LLCFC1: variants seen among roughly 807,000 people sequenced by gnomAD.
LLCFC1 encodes the protein sperm-egg fusion protein LLCFC1.
Under a neutral mutation model 9.8 loss-of-function variants are expected in LLCFC1, and 14 were observed. The observed-to-expected ratio is 1.43, with a 90% CI of 0.95 to 2.24. The LOEUF (loss-of-function observed/expected upper bound fraction) is 2.24. LLCFC1 is among the 30% of genes most tolerant of loss of function. The pLI, the probability that LLCFC1 is intolerant of heterozygous loss-of-function variation, is 0.00. For missense variants in LLCFC1, 162 were observed against 148.0 expected (o/e 1.09, Z -0.49); for synonymous variants, 70 against 58.8 (o/e 1.19, Z -0.87).
Position 142,940,514 on chromosome 7 carries a change from T to A in LLCFC1, c.296T>A (p.Val99Asp). The A allele has an allele frequency of 6.2e-7, 1 of 1,614,180 alleles. No individual in the cohort carries two copies. The highest frequency in any genetic ancestry group is 8.5e-7 in the Non-Finnish European group (1 of 1,180,048). Residue 99 changes from valine (V) to aspartate (D), a missense_variant, in exon 2 of 2, where the codon GTC (valine) becomes GAC (aspartate). Physicochemically the swap from Val to Asp is radical, Grantham distance 152. Transcript: ENST00000409607. Reference protein sequence around the residue: ...HLSFCFSLASVMVFSGGPLRR... With the variant: ...HLSFCFSLASDMVFSGGPLRR... ...AGCTTCTGCTTTAGTCTGGCCAGTG[T>A]CATGGTTTTCTCAGGAGGGCCATTG...
In LLCFC1 at chr7:142,939,644, T is replaced by C; in HGVS notation, c.23T>C (p.Leu8Pro). The change falls in exon 1 of 2, where the codon CTC (leucine) becomes CCC (proline). Residue 8 changes from leucine (L) to proline (P), a missense_variant. Coordinates refer to ENST00000409607, the MANE Select transcript of LLCFC1 (RefSeq NM_001382496.1). ...TCCATGCCTCCCCTGGCCCCCCAGC[T>C]CTGCAGGGCAGTGTTCCTGGTTCCT... MPPLAPQ[L>P]CRAVFLVPIL... is the part of the protein sequence containing the mutation. The C allele has an allele frequency of 5.6e-6, 9 of 1,613,668 alleles. No homozygotes were observed. The highest frequency in any genetic ancestry group is 7.6e-6 in the Non-Finnish European group (9 of 1,179,754).
At chr7:142,939,854 GTGA>G in intron 1 of LLCFC1, 100 bp downstream of exon 1, 1 of 1,222,700 alleles carries the variant, frequency 8.2e-7, no homozygotes. Context: ...TGAGGTCTGT[GTGA>G]GGCCAGGCCC....
Position 142,939,665 on chromosome 7 carries a change from T to C in LLCFC1, c.44T>C (p.Val15Ala), listed in dbSNP as rs1239180110. 1.6e-5 allele frequency: 26 copies of C among 1,614,044 alleles called. No homozygotes were observed. Among genetic ancestry groups the C allele is most frequent in the Non-Finnish European group, 2.1e-5 (25 of 1,180,012 alleles). The change falls in exon 1 of 2, where the codon GTT becomes GCT. Residue 15 changes from valine to alanine, a missense_variant. Coordinates refer to ENST00000409607, the MANE Select transcript of LLCFC1 (RefSeq NM_001382496.1). Reference protein sequence around the residue: ...APQLCRAVFLVPILLLLQVKP... With the variant: ...APQLCRAVFLAPILLLLQVKP... ...CAGCTCTGCAGGGCAGTGTTCCTGG[T>C]TCCTATCTTGCTGCTGCTGCAGGTG...
chr7:142,940,660 C>A lies in LLCFC1; in HGVS notation c.*73C>A. The A allele has an allele frequency of 8.1e-7, 1 of 1,232,270 alleles. No individual in the cohort carries two copies. The highest frequency in any genetic ancestry group is 1.2e-6 in the Non-Finnish European group (1 of 843,814). The allele number at this position is 1,232,270 out of a possible 1,614,324, so 76.3% of individuals were successfully genotyped here. A position where few individuals can be genotyped will look rare whatever the true frequency, so the allele number is the denominator to read the frequency against. ...AGGCATGGCTCTCTGCCTCTGATCA[C>A]CATCACTGTATCTCAAGGTTCAGCA... On this transcript the variant is annotated 3_prime_UTR_variant, in exon 2 of 2. Transcript: ENST00000409607.
In LLCFC1 at chr7:142,940,270, A is replaced by G. The variant is rs1796312114; in HGVS notation, c.134-82A>G. The G allele has an allele frequency of 8.3e-6, 9 of 1,090,872 alleles. No homozygotes were observed. In the Admixed American group the frequency reaches 1.5e-4, roughly 18 times the overall value. The allele number at this position is 1,090,872 out of a possible 1,614,324, so 67.6% of individuals were successfully genotyped here. On this transcript the variant is annotated intron_variant, in intron 1 of 1. Coordinates refer to ENST00000409607, the MANE Select transcript of LLCFC1 (RefSeq NM_001382496.1). ...ATTGGGACTGCAGCCCTAGGCTTCAACGTGTTTTTCCTATTCTAACTTCTC... is the reference window on the plus strand; with the variant it reads ...ATTGGGACTGCAGCCCTAGGCTTCAGCGTGTTTTTCCTATTCTAACTTCTC...
In LLCFC1 at chr7:142,940,588, C is replaced by T. The variant is rs758007402; in HGVS notation, c.*1C>T. 1.9e-6 allele frequency: 3 copies of T among 1,610,750 alleles called. No homozygotes were observed. The highest frequency in any genetic ancestry group is 1.1e-5 in the South Asian group (1 of 91,012). On this transcript the variant is annotated 3_prime_UTR_variant, in exon 2 of 2. Transcript: ENST00000409607. ...ACTCTGCTTCATGCTCACTCACTGA[C>T]CCTCCCTCCCTCCTGGGCTCCAGGT...
intron 1 of LLCFC1, among the ~76,000 whole-genome samples, 193 bp from the exon 2 acceptor site, chr7:142,940,147 GTGTGTGTGTGTT>G (rs1356777130): frequency 1.4e-5 from 2 of 144,188 alleles, no homozygotes; most frequent in Non-Finnish European, 3.1e-5. Context: ...GTGTGTGTGT[GTGTGTGTGTGTT>G]TGAGTTGGGG....
intron 1 of LLCFC1, among the ~76,000 whole-genome samples, chr7:142,940,106 GGTGTGTGTGTGTGTGTGTGTGT>G (rs782240164): frequency 4.0e-4 from 52 of 128,994 alleles, no homozygotes; most frequent in African/African-American, 1.1e-3. Flanking sequence ...CCTTAGGAAT[GGTGTGTGTGTGTGTGTGTGTGT>G]GTGTGTGTGT....
chr7:142,940,543 C>T lies in LLCFC1; in HGVS notation c.325C>T (p.Arg109Trp), dbSNP rs551888986. The change falls in exon 2 of 2, where the codon CGG becomes TGG. Residue 109 changes from arginine to tryptophan, a missense_variant. Arg to Trp is a moderately radical substitution (Grantham distance 101, BLOSUM62 -3). Transcript: ENST00000409607. ...GGTTTTCTCAGGAGGGCCATTGAGG[C>T]GGACATTCCCAAATATCCAACTCTG... ...VMVFSGGPLRRTFPNIQLCFM... is the reference protein window; with the variant it reads ...VMVFSGGPLRWTFPNIQLCFM... 93 of 1,614,168 alleles carry T rather than the reference C, an allele frequency of 5.8e-5. No homozygotes were observed. Among genetic ancestry groups the T allele is most frequent in the African/African-American group, 4.9e-4 (37 of 75,042 alleles).
chr7:142,940,700 T>C lies in LLCFC1; in HGVS notation c.*113T>C. On this transcript the variant is annotated 3_prime_UTR_variant, in exon 2 of 2. Coordinates refer to ENST00000409607, the MANE Select transcript of LLCFC1 (RefSeq NM_001382496.1). ...AAGGTTCAGCAGCAGAGATACCAGT[T>C]GCCATCAGTGCTAACTGACTGCCTC... 2 of 912,322 alleles carry C rather than the reference T, an allele frequency of 2.2e-6. No individual in the cohort carries two copies. Among genetic ancestry groups the C allele is most frequent in the Non-Finnish European group, 3.4e-6 (2 of 585,842 alleles). 56.5% of individuals were successfully genotyped at this position (912,322 alleles called of 1,614,324 possible).
In LLCFC1 at chr7:142,939,494, T is replaced by C. The variant is rs768642375; in HGVS notation, c.-128T>C. 24 of 1,483,042 alleles carry C rather than the reference T, an allele frequency of 1.6e-5. No homozygotes were observed. The highest frequency in any genetic ancestry group is 3.6e-4 in the Middle Eastern group (2 of 5,626). 91.9% of individuals were successfully genotyped at this position (1,483,042 alleles called of 1,614,324 possible). A position where few individuals can be genotyped will look rare whatever the true frequency, so the allele number is the denominator to read the frequency against. ...AGAACATGTGAAGTCAGAGGTCCTATGGAAGGTGAGGGGAGAAAATGCCCC... is the reference window on the plus strand; with the variant it reads ...AGAACATGTGAAGTCAGAGGTCCTACGGAAGGTGAGGGGAGAAAATGCCCC... On this transcript the variant is annotated 5_prime_UTR_variant, in exon 1 of 2. The change abolishes an upstream ATG in the 5' untranslated region. Transcript: ENST00000409607.
At position 142,940,608 on chromosome 7, in the gene LLCFC1, C is replaced by T. The variant is rs549559247; in HGVS notation, c.*21C>T. The T allele has an allele frequency of 1.2e-5, 19 of 1,593,202 alleles. 1 individual carries two copies. The South Asian group carries it at 2.1e-4, about 18-fold the overall frequency. ...ACTGACCCTCCCTCCCTCCTGGGCT[C>T]CAGGTCACAACTCCCAAAGGAGATG... On this transcript the variant is annotated 3_prime_UTR_variant, in exon 2 of 2. Coordinates refer to ENST00000409607, the MANE Select transcript of LLCFC1 (RefSeq NM_001382496.1).
At position 142,939,587 on chromosome 7, in the gene LLCFC1, C is replaced by G; in HGVS notation, c.-35C>G. Reference sequence around the variant, plus strand: ...CACGGATCCTGCTGGGCACTGGGAGCAGGGGGCGGCCAAAGGCAGTGGGTG... The same window carrying G: ...CACGGATCCTGCTGGGCACTGGGAGGAGGGGGCGGCCAAAGGCAGTGGGTG... On this transcript the variant is annotated 5_prime_UTR_variant, in exon 1 of 2. Transcript: ENST00000409607. 1 of 1,596,128 alleles carries G rather than the reference C, an allele frequency of 6.3e-7. No homozygotes were observed. Among genetic ancestry groups the G allele is most frequent in the Non-Finnish European group, 8.5e-7 (1 of 1,170,586 alleles).
rs768939940 is a variant in LLCFC1, at chr7:142,940,621, C to T, written c.*34C>T. Reference sequence around the variant, plus strand: ...CCCTCCTGGGCTCCAGGTCACAACTCCCAAAGGAGATGCAGGCATGGCTCT... The same window carrying T: ...CCCTCCTGGGCTCCAGGTCACAACTTCCAAAGGAGATGCAGGCATGGCTCT... On this transcript the variant is annotated 3_prime_UTR_variant, in exon 2 of 2. Transcript: ENST00000409607. 6.5e-7 allele frequency: 1 copy of T among 1,549,176 alleles called. No individual in the cohort carries two copies. The highest frequency in any genetic ancestry group is 1.7e-5 in the Admixed American group (1 of 59,862).
chr7:142,939,795 CCT>C, intron 1 of LLCFC1, 41 bp downstream of exon 1: 1 of 1,564,128 alleles, frequency 6.4e-7, no homozygotes, highest in Non-Finnish European at 8.7e-7. Context: ...GAGAAAACAC[CCT>C]CTTCAGGTAG....
Position 142,940,439 on chromosome 7 carries a change from A to G in LLCFC1, c.221A>G (p.Glu74Gly), listed in dbSNP as rs763088496. The G allele has an allele frequency of 6.2e-7, 1 of 1,614,018 alleles. No individual in the cohort carries two copies. The highest frequency in any genetic ancestry group is 8.5e-7 in the Non-Finnish European group (1 of 1,179,998). Residue 74 changes from glutamate to glycine, a missense_variant, in exon 2 of 2, where the codon GAA (glutamate) becomes GGA (glycine). Physicochemically the swap from Glu to Gly is moderately conservative, Grantham distance 98. Coordinates refer to ENST00000409607, the MANE Select transcript of LLCFC1 (RefSeq NM_001382496.1). ...WQVVDMAQQE[E>G]DQSSKTAAVH... is the part of the protein sequence containing the mutation. ...GTGGTGGACATGGCCCAGCAGGAAG[A>G]AGACCAGTCGTCCAAGACGGCAGCT...
At position 142,940,633 on chromosome 7, in the gene LLCFC1, G is replaced by A. The variant is rs759289921; in HGVS notation, c.*46G>A. 8 of 1,454,252 alleles carry A rather than the reference G, an allele frequency of 5.5e-6. No individual in the cohort carries two copies. The highest frequency in any genetic ancestry group is 1.1e-5 in the South Asian group (1 of 87,182). 90.1% of individuals were successfully genotyped at this position (1,454,252 alleles called of 1,614,324 possible). A position where few individuals can be genotyped will look rare whatever the true frequency, so the allele number is the denominator to read the frequency against. ...CCAGGTCACAACTCCCAAAGGAGAT[G>A]CAGGCATGGCTCTCTGCCTCTGATC... On this transcript the variant is annotated 3_prime_UTR_variant, in exon 2 of 2. Transcript: ENST00000409607.
Position 142,940,660 on chromosome 7 carries a change from C to T in LLCFC1, c.*73C>T, listed in dbSNP as rs940394165. On this transcript the variant is annotated 3_prime_UTR_variant, in exon 2 of 2. Transcript: ENST00000409607. ...AGGCATGGCTCTCTGCCTCTGATCA[C>T]CATCACTGTATCTCAAGGTTCAGCA... 4 of 1,232,154 alleles carry T rather than the reference C, an allele frequency of 3.2e-6. No homozygotes were observed. The highest frequency in any genetic ancestry group is 4.7e-6 in the Non-Finnish European group (4 of 843,824). The allele number at this position is 1,232,154 out of a possible 1,614,324, so 76.3% of individuals were successfully genotyped here.
rs1207785247 is a variant in LLCFC1 at position 142,939,688 on chromosome 7, G to A, written c.67G>A (p.Val23Met). 2 of 1,614,094 alleles carry A rather than the reference G, an allele frequency of 1.2e-6. No individual in the cohort carries two copies. The highest frequency in any genetic ancestry group is 1.1e-5 in the South Asian group (1 of 91,082). ...FLVPILLLLQ[V>M]KPLNGSPGPK... Reference sequence around the variant, plus strand: ...GGTTCCTATCTTGCTGCTGCTGCAGGTGAAGCCTCTGAACGGGAGCCCAGG... The same window carrying A: ...GGTTCCTATCTTGCTGCTGCTGCAGATGAAGCCTCTGAACGGGAGCCCAGG... The change falls in exon 1 of 2, where the codon GTG (valine) becomes ATG (methionine). Residue 23 changes from valine to methionine, a missense_variant. Coordinates refer to ENST00000409607, the MANE Select transcript of LLCFC1 (RefSeq NM_001382496.1).
Sources: gnomAD v4.1 joint callset for allele counts (sites outside exome capture counted in the v4.1 genomes callset) on GRCh38, gnomAD v4.1.1 for gene constraint, MANE v1.5 for transcripts, NCBI Gene and HGNC (gene_info 2026-07-23, HGNC 2026-07-21) for gene names.